Variants in TGFBR3 observed in about 807,000 individuals in gnomAD.
The protein encoded by TGFBR3 is transforming growth factor beta receptor type 3.
TGFBR3 carries 46 observed loss-of-function variants against 87.9 expected under a neutral mutation model. The observed-to-expected ratio is 0.52, with a 90% CI of 0.41 to 0.67. The LOEUF is 0.67. Ranked by LOEUF, TGFBR3 falls within the 30% of genes least tolerant of loss-of-function variation. TGFBR3 has a pLI of 0.00. For synonymous variants in TGFBR3, 381 were observed against 391.6 expected, an observed-to-expected ratio of 0.97 and a Z score of 0.32; for missense variants, 866 against 1,041.9, an observed-to-expected ratio of 0.83 and a Z score of 2.32.
intron 1 of TGFBR3, among the ~76,000 whole-genome samples, chr1:91,884,766 A>G (rs1005745362): frequency 1.3e-5 from 2 of 152,258 alleles, no homozygotes; most frequent in African/African-American, 4.8e-5. Context: ...TTATTATCCA[A>G]AAGAAACAAC....
intron 3 of TGFBR3, among the ~76,000 whole-genome samples, chr1:91,785,944 G>T (rs764666729): frequency 8.6e-5 from 13 of 151,810 alleles, no homozygotes; most frequent in Middle Eastern, 3.4e-3. Flanking sequence ...TTGTATTTTT[G>T]ATAGAAACAG....
At chr1:91,847,395 G>A (rs1410256519) in intron 2 of TGFBR3, among the ~76,000 whole-genome samples, 1 of 151,982 alleles carries the variant, frequency 6.6e-6, no homozygotes, top group African/African-American at 2.4e-5. Context: ...CCTGAGGTTG[G>A]GAGTTCGAGA....
At chr1:91,779,084 A>T (rs752115718) in intron 3 of TGFBR3, among the ~76,000 whole-genome samples, 4 of 152,166 alleles carry the variant, frequency 2.6e-5, no homozygotes, top group Non-Finnish European at 4.4e-5. Context: ...GAAGGGGGAA[A>T]AGATCATTCA....
intron 13 of TGFBR3, among the ~76,000 whole-genome samples, 190 bp from the exon 14 acceptor site, chr1:91,708,973 T>C (rs558935326): frequency 2.7e-4 from 41 of 152,322 alleles, no homozygotes; most frequent in African/African-American, 9.4e-4. Flanking sequence ...GCCCAGTGGA[T>C]TTTTGGTTGT....
At position 91,702,832 on chromosome 1, in the gene TGFBR3, G is replaced by C. The variant is rs780016624; in HGVS notation, c.2288-4702C>G. 1.4e-3 allele frequency among the ~76,000 whole-genome samples: 208 copies of C among 152,286 alleles called. 1 individual carries two copies. The highest frequency in any genetic ancestry group is 2.4e-3 in the Admixed American group (37 of 15,298). ...AGCCGATGCAGGCAGATCACCTGAG[G>C]TCAGGAGTTTGAGACAAGCCTGGCC... On this transcript the variant is annotated intron_variant, in intron 14 of 16. Transcript: ENST00000212355.
chr1:91,721,414 T>C (rs1429767026), intron 8 of TGFBR3, among the ~76,000 whole-genome samples: 1 of 152,198 alleles, frequency 6.6e-6, no homozygotes, highest in African/African-American at 2.4e-5. Flanking sequence ...TCAGTGGTGG[T>C]ACCATGAGCT....
chr1:91,729,673 G>A (rs1031762791), intron 6 of TGFBR3, 132 bp downstream of exon 6: 27 of 1,031,656 alleles, frequency 2.6e-5, no homozygotes, highest in African/African-American at 1.9e-4. Context: ...TCCCTCCTGC[G>A]TGAAGCATCA....
chr1:91,800,306 G>GCATATATATA (rs1675563520), intron 2 of TGFBR3, among the ~76,000 whole-genome samples: 1 of 129,682 alleles, frequency 7.7e-6, no homozygotes, highest in Non-Finnish European at 1.6e-5. Flanking sequence ...ATATATGCAT[G>GCATATATATA]CATATATGTA....
At chr1:91,882,302 A>T (rs186913579) in intron 1 of TGFBR3, among the ~76,000 whole-genome samples, 1 of 151,626 alleles carries the variant, frequency 6.6e-6, no homozygotes, top group Admixed American at 6.5e-5. Context: ...ACGCTCAGCA[A>T]ATTGTTGTAT....
intron 3 of TGFBR3, among the ~76,000 whole-genome samples, chr1:91,773,636 C>G (rs778348078): frequency 6.6e-6 from 1 of 152,162 alleles, no homozygotes; most frequent in Non-Finnish European, 1.5e-5. Flanking sequence ...GAGCCGAGAT[C>G]GCGCCACTGC....
chr1:91,865,073 C>T (rs982026788), intron 1 of TGFBR3, among the ~76,000 whole-genome samples: 2 of 151,784 alleles, frequency 1.3e-5, no homozygotes, highest in African/African-American at 2.4e-5. Flanking sequence ...CGTGGTGGTA[C>T]GTGCCTGTAA....
chr1:91,809,882 C>T (rs1281495997), intron 2 of TGFBR3, among the ~76,000 whole-genome samples: 1 of 152,156 alleles, frequency 6.6e-6, no homozygotes, highest in African/African-American at 2.4e-5. Flanking sequence ...TGCTCTTGCT[C>T]CTTTCACAGT....
chr1:91,790,062 G>A (rs115437080), intron 3 of TGFBR3, among the ~76,000 whole-genome samples: 1 of 152,192 alleles, frequency 6.6e-6, no homozygotes, highest in Non-Finnish European at 1.5e-5. Flanking sequence ...GGGAAGAAAG[G>A]AGAGAGGAAA....
rs17883435 is a variant in TGFBR3 at position 91,862,769 on chromosome 1, G to A, written c.-113-1125C>T. Among the ~76,000 whole-genome samples, 682 of 152,242 alleles carry A rather than the reference G, an allele frequency of 4.5e-3. 2 individuals carry two copies. Among genetic ancestry groups the A allele is most frequent in the Non-Finnish European group, 7.5e-3 (507 of 68,008 alleles). The stretch of plus-strand genomic sequence containing the variant: ...TTCTCATCAAGAATAAAAGTTATGG[G>A]TAAAAGTGCAAAGACCCTCCCTGAT... On this transcript the variant is annotated intron_variant, in intron 1 of 16. Transcript: ENST00000212355.
intron 16 of TGFBR3, among the ~76,000 whole-genome samples, chr1:91,693,010 T>G (rs2100708239): frequency 6.6e-6 from 1 of 152,360 alleles, no homozygotes; most frequent in African/African-American, 2.4e-5. Flanking sequence ...TTGAACGGAC[T>G]GAGTCAGTAT....
chr1:91,733,604 CA>C (rs1467733950), intron 5 of TGFBR3, among the ~76,000 whole-genome samples: 2 of 152,208 alleles, frequency 1.3e-5, no homozygotes, highest in African/African-American at 4.8e-5. Context: ...TAGAATTTAA[CA>C]GAAAGCAGCT....
At chr1:91,710,451 G>A (rs1671939028) in intron 13 of TGFBR3, among the ~76,000 whole-genome samples, 1 of 152,152 alleles carries the variant, frequency 6.6e-6, no homozygotes, top group Non-Finnish European at 1.5e-5. Context: ...ATTTAACTCA[G>A]TGGAGTGTGA....
chr1:91,733,590 G>A (rs1315859060), intron 5 of TGFBR3, among the ~76,000 whole-genome samples: 1 of 152,222 alleles, frequency 6.6e-6, no homozygotes, highest in Non-Finnish European at 1.5e-5. Flanking sequence ...GGTGACAGCT[G>A]CTGTAGAATT....
intron 3 of TGFBR3, among the ~76,000 whole-genome samples, chr1:91,763,293 G>C (rs1674040474): frequency 6.6e-6 from 1 of 152,180 alleles, no homozygotes; most frequent in African/African-American, 2.4e-5. Context: ...AGTGAGCAAG[G>C]CAACTGATAT....
Sources: gnomAD v4.1 joint callset for allele counts (sites outside exome capture counted in the v4.1 genomes callset) on GRCh38, gnomAD v4.1.1 for gene constraint, MANE v1.5 for transcripts, NCBI Gene and HGNC (gene_info 2026-07-23, HGNC 2026-07-21) for gene names.